The following TSHZ2 variants were observed in gnomAD, a reference collection of about 807,000 sequenced individuals.
TSHZ2 encodes teashirt homolog 2.
A neutral mutation model predicts 74.4 loss-of-function variants in TSHZ2; 21 were observed. That is an observed-to-expected ratio of 0.28 (90% CI 0.20 to 0.41). TSHZ2 has a LOEUF of 0.41. TSHZ2 is among the 10% of genes least tolerant of loss of function. TSHZ2 has a pLI of 1.00. For synonymous variants in TSHZ2, 540 were observed against 515.3 expected, an observed-to-expected ratio of 1.05 and a Z score of -0.65; for missense variants, 1,244 against 1,293.5, an observed-to-expected ratio of 0.96 and a Z score of 0.59.
At chr20:53,183,210 A>G (rs1462517208) in intron 1 of TSHZ2, among the ~76,000 whole-genome samples, 1 of 152,208 alleles carries the variant, frequency 6.6e-6, no homozygotes, top group Non-Finnish European at 1.5e-5. Flanking sequence ...AAAAAGTTCA[A>G]AGGATATTAC....
chr20:53,297,983 G>A (rs1991411135), intron 2 of TSHZ2, among the ~76,000 whole-genome samples: 1 of 152,222 alleles, frequency 6.6e-6, no homozygotes, highest in African/African-American at 2.4e-5. Context: ...CTTTCCAGGT[G>A]GGTGAGCAGG....
intron 1 of TSHZ2, among the ~76,000 whole-genome samples, chr20:53,033,522 G>A (rs1399563701): frequency 6.6e-6 from 1 of 152,110 alleles, no homozygotes. Flanking sequence ...AACGTCTCCT[G>A]CAAGGAGCAG....
At position 53,488,395 on chromosome 20, in the gene TSHZ2, TGGAAGA is replaced by T. The variant is rs980624571; in HGVS notation, c.*1262_*1267del. On this transcript the variant is annotated 3_prime_UTR_variant, in exon 3 of 3. Coordinates refer to ENST00000371497, the MANE Select transcript of TSHZ2 (RefSeq NM_173485.6). ...ATTAAAATCAGGTCCTAAGTCAACT[TGGAAGA>T]GCTAAGAGCATGTTTTAATATTAAA... is the stretch of plus-strand genomic sequence containing the variant. The T allele has an allele frequency of 2.0e-5, 3 of 152,690 alleles. No homozygotes were observed. Among genetic ancestry groups the T allele is most frequent in the Non-Finnish European group, 4.4e-5 (3 of 68,430 alleles). 9.5% of individuals were successfully genotyped at this position (152,690 alleles called of 1,614,324 possible). A position where few individuals can be genotyped will look rare whatever the true frequency, so the allele number is the denominator to read the frequency against.
chr20:53,260,164 A>G (rs1600774264), intron 2 of TSHZ2, among the ~76,000 whole-genome samples: 1 of 152,348 alleles, frequency 6.6e-6, no homozygotes, highest in Non-Finnish European at 1.5e-5. Flanking sequence ...ATTATATTTA[A>G]CAATGGAAGT....
chr20:53,040,702 T>C (rs1419700796), intron 1 of TSHZ2, among the ~76,000 whole-genome samples: 1 of 152,036 alleles, frequency 6.6e-6, no homozygotes, highest in Non-Finnish European at 1.5e-5. Flanking sequence ...GTCCATTTTG[T>C]TTTGTTTTTC....
chr20:53,373,495 C>T (rs1981551243), intron 2 of TSHZ2, among the ~76,000 whole-genome samples: 1 of 152,144 alleles, frequency 6.6e-6, no homozygotes, highest in African/African-American at 2.4e-5. Context: ...CACATAATAA[C>T]TGACTAGAAA....
chr20:53,373,924 A>C (rs547500125), intron 2 of TSHZ2, among the ~76,000 whole-genome samples: 30 of 152,308 alleles, frequency 2.0e-4, no homozygotes, highest in African/African-American at 6.7e-4. Flanking sequence ...CTGCTTCCCA[A>C]AGTGTGATAT....
At chr20:53,155,052 ATTTTT>A (rs11475183) in intron 1 of TSHZ2, among the ~76,000 whole-genome samples, 5 of 118,094 alleles carry the variant, frequency 4.2e-5, no homozygotes, top group African/African-American at 1.3e-4. Flanking sequence ...TTGAATATGC[ATTTTT>A]TTTTTTTTTT....
rs1462458275 is a variant in TSHZ2 at position 52,996,350 on chromosome 20, T to TATTA, written c.40+23018_40+23021dup. On this transcript the variant is annotated intron_variant, in intron 1 of 2. Transcript: ENST00000371497. ...TTATTTATTTATTTATTTATTTATT[T>TATTA]ATTAGGCAAAATGGGAATTGAGAAG... is the stretch of plus-strand genomic sequence containing the variant. 5.6e-5 allele frequency among the ~76,000 whole-genome samples: 8 copies of TATTA among 142,866 alleles called. No individual in the cohort carries two copies. The South Asian group carries it at 1.1e-3, about 19-fold the overall frequency. The allele number at this position is 142,866 out of a possible 152,430, so 93.7% of individuals were successfully genotyped here.
chr20:53,189,578 C>T (rs1411620705), intron 1 of TSHZ2, among the ~76,000 whole-genome samples: 1 of 152,154 alleles, frequency 6.6e-6, no homozygotes, highest in African/African-American at 2.4e-5. Context: ...ATTATAAGCA[C>T]CATATTCAGA....
chr20:53,312,980 A>T (rs751135934), intron 2 of TSHZ2, among the ~76,000 whole-genome samples: 1 of 152,238 alleles, frequency 6.6e-6, no homozygotes, highest in Non-Finnish European at 1.5e-5. Context: ...AGTGAAATAC[A>T]GATTTGGAAT....
chr20:53,042,862 C>T (rs1984093950), intron 1 of TSHZ2, among the ~76,000 whole-genome samples: 1 of 152,060 alleles, frequency 6.6e-6, no homozygotes, highest in Non-Finnish European at 1.5e-5. Flanking sequence ...CACAAATGTG[C>T]AAGGATGTAA....
intron 1 of TSHZ2, among the ~76,000 whole-genome samples, chr20:53,136,472 C>CTT (rs1600707025): frequency 6.6e-6 from 1 of 152,202 alleles, no homozygotes; most frequent in East Asian, 1.9e-4. Flanking sequence ...GTATTGGCTA[C>CTT]TTGCTGTATG....
intron 1 of TSHZ2, among the ~76,000 whole-genome samples, chr20:53,211,944 T>C (rs1989316941): frequency 6.6e-6 from 1 of 152,128 alleles, no homozygotes; most frequent in South Asian, 2.1e-4. Context: ...ATTGATAATG[T>C]TTAGTATTAT....
At chr20:53,103,735 G>A (rs147777730) in intron 1 of TSHZ2, among the ~76,000 whole-genome samples, 11 of 152,268 alleles carry the variant, frequency 7.2e-5, no homozygotes, top group South Asian at 2.1e-4. Context: ...CTGTTTATAC[G>A]AAGCTGGTGG....
intron 1 of TSHZ2, among the ~76,000 whole-genome samples, chr20:53,079,832 TTC>T (rs1288737673): frequency 6.6e-6 from 1 of 151,890 alleles, no homozygotes; most frequent in East Asian, 1.9e-4. Context: ...TGTTTTTTTT[TTC>T]TTTTTTTTTG....
chr20:53,414,776 G>A lies in TSHZ2; in HGVS notation c.*9-72368G>A, dbSNP rs140477971. On this transcript the variant is annotated intron_variant, in intron 2 of 2. Transcript: ENST00000371497. ...GCAAGCACATTTCCATGTGAATCTT[G>A]CTGATTTTCTTGTTAATAAAGCTGC... Among the ~76,000 whole-genome samples the A allele has an allele frequency of 1.4e-3, 208 of 152,318 alleles. 12 individuals are homozygous for A. The South Asian group carries it at 0.043, about 31-fold the overall frequency.
At chr20:53,279,586 A>G (rs1600785971) in intron 2 of TSHZ2, among the ~76,000 whole-genome samples, 1 of 152,322 alleles carries the variant, frequency 6.6e-6, no homozygotes, top group South Asian at 2.1e-4. Flanking sequence ...CCTTCATAAA[A>G]TTACAACTAT....
intron 1 of TSHZ2, among the ~76,000 whole-genome samples, chr20:53,060,243 T>C (rs892239158): frequency 1.3e-5 from 2 of 152,204 alleles, no homozygotes; most frequent in African/African-American, 4.8e-5. Context: ...AAGGAAAAGA[T>C]ATGCTTTGGT....
Sources: allele counts gnomAD v4.1 joint callset (sites outside exome capture counted in the v4.1 genomes callset), GRCh38; gene constraint gnomAD v4.1.1; transcripts MANE v1.5; gene names NCBI Gene and HGNC (gene_info 2026-07-23, HGNC 2026-07-21).